The following DPP10 variants were observed in gnomAD, a reference collection of about 807,000 sequenced individuals.
The protein encoded by DPP10 is dipeptidyl peptidase like 10, also known as inactive dipeptidyl peptidase 10.
DPP10 carries 33 observed loss-of-function variants against 120.9 expected under a neutral mutation model. The observed-to-expected ratio is 0.27, with a 90% CI of 0.21 to 0.37. The LOEUF (loss-of-function observed/expected upper bound fraction) is 0.37, where lower values mean the gene tolerates loss of function less well. Ranked by LOEUF, DPP10 falls within the 10% of genes least tolerant of loss-of-function variation. The probability of loss-of-function intolerance (pLI) is 1.00; values close to 1 mark genes in which losing one functional copy is unlikely to be tolerated. For missense variants in DPP10, 816 were observed against 942.8 expected, an observed-to-expected ratio of 0.87 and a Z score of 1.76; for synonymous variants, 337 against 326.1, an observed-to-expected ratio of 1.03 and a Z score of -0.36.
At chr2:115,357,729 G>T (rs891989699) in intron 3 of DPP10, among the ~76,000 whole-genome samples, 1 of 152,190 alleles carries the variant, frequency 6.6e-6, no homozygotes, top group African/African-American at 2.4e-5. Context: ...GGTTCTCTAT[G>T]AGGACTCCAC....
Position 115,471,117 on chromosome 2 carries a change from C to T in DPP10, c.272-28393C>T, listed in dbSNP as rs1022399618. On this transcript the variant is annotated intron_variant, in intron 3 of 25. Transcript: ENST00000410059. ...GTGGACCATGCACAATTTCTAAAAT[C>T]CATAATTTATTTTCATAACCAATAT... 8.5e-5 allele frequency among the ~76,000 whole-genome samples: 13 copies of T among 152,188 alleles called. No individual in the cohort carries two copies. In the East Asian group the frequency reaches 2.5e-3, roughly 29 times the overall value.
chr2:115,143,829 T>C lies in DPP10; in HGVS notation c.61-165410T>C, dbSNP rs2051062637. Among the ~76,000 whole-genome samples the C allele has an allele frequency of 2.0e-5, 3 of 152,198 alleles. No individual in the cohort carries two copies. In the South Asian group the frequency reaches 6.2e-4, roughly 31 times the overall value. On this transcript the variant is annotated intron_variant, in intron 1 of 25. Coordinates refer to ENST00000410059, the MANE Select transcript of DPP10 (RefSeq NM_020868.6). ...ACATTTCATTCTGTTCATATCCCAG[T>C]ACCAGCAGAAGACAGAGCAATCTCA... is the stretch of plus-strand genomic sequence containing the variant.
At chr2:114,839,557 A>C (rs1192870286) in intron 1 of DPP10, among the ~76,000 whole-genome samples, 1 of 152,228 alleles carries the variant, frequency 6.6e-6, no homozygotes, top group Non-Finnish European at 1.5e-5. Flanking sequence ...TTCGTTAAGT[A>C]ACCAAACATT....
At chr2:114,601,502 T>C (rs903296128) in intron 1 of DPP10, among the ~76,000 whole-genome samples, 2 of 151,600 alleles carry the variant, frequency 1.3e-5, no homozygotes, top group African/African-American at 4.8e-5. Context: ...GGGAGGGAGG[T>C]CTTATAAGTA....
intron 1 of DPP10, among the ~76,000 whole-genome samples, chr2:114,678,590 C>T (rs1287227220): frequency 1.3e-5 from 2 of 151,940 alleles, no homozygotes; most frequent in Non-Finnish European, 2.9e-5. Context: ...TATTTATTTA[C>T]AAAAGTTCTC....
intron 12 of DPP10, among the ~76,000 whole-genome samples, chr2:115,767,864 A>G (rs1259694939): frequency 6.6e-6 from 1 of 152,200 alleles, no homozygotes; most frequent in East Asian, 1.9e-4. Context: ...CAGTTGCTGA[A>G]GAAAGGATTT....
At chr2:114,531,961 G>C (rs971461414) in intron 1 of DPP10, among the ~76,000 whole-genome samples, 3 of 151,876 alleles carry the variant, frequency 2.0e-5, no homozygotes, top group African/African-American at 4.8e-5. Context: ...CCCCATTGTG[G>C]GTAGGCGTCA....
At chr2:114,943,149 GT>G (rs1377221417) in intron 1 of DPP10, among the ~76,000 whole-genome samples, 1 of 152,150 alleles carries the variant, frequency 6.6e-6, no homozygotes, top group Non-Finnish European at 1.5e-5. Context: ...AACATGCGGT[GT>G]TTGGTTTTCT....
chr2:115,814,655 G>C, intron 19 of DPP10, 138 bp from the exon 20 acceptor site: 1 of 592,514 alleles, frequency 1.7e-6, no homozygotes, highest in Non-Finnish European at 2.6e-6. Context: ...TTACCTTCAG[G>C]TTTATTATCA....
intron 2 of DPP10, among the ~76,000 whole-genome samples, chr2:115,320,526 TA>T (rs2062008360): frequency 1.3e-5 from 2 of 152,016 alleles, no homozygotes; most frequent in African/African-American, 2.4e-5. Context: ...TTGGTCATCA[TA>T]ATTCATATTT....
chr2:114,507,461 C>T (rs1285894156), intron 1 of DPP10, among the ~76,000 whole-genome samples: 1 of 152,204 alleles, frequency 6.6e-6, no homozygotes, highest in East Asian at 1.9e-4. Context: ...TTATAGTTCA[C>T]ATAATAGGAG....
At chr2:115,525,996 A>G (rs777419087) in intron 5 of DPP10, 24 bp downstream of exon 5, 1 of 1,577,624 alleles carries the variant, frequency 6.3e-7, no homozygotes, top group Admixed American at 1.8e-5. Flanking sequence ...CTTCTTTGAG[A>G]ATACTTTTCT....
chr2:114,803,462 A>T (rs1406433160), intron 1 of DPP10, among the ~76,000 whole-genome samples: 1 of 152,230 alleles, frequency 6.6e-6, no homozygotes. Context: ...AGAGAGAAAA[A>T]TGTGGGAAAT....
At chr2:114,471,975 G>T (rs1425185061) in intron 1 of DPP10, among the ~76,000 whole-genome samples, 1 of 152,130 alleles carries the variant, frequency 6.6e-6, no homozygotes, top group Non-Finnish European at 1.5e-5. Context: ...AATAAAATGG[G>T]GCACTTTTTA....
intron 1 of DPP10, among the ~76,000 whole-genome samples, chr2:115,037,660 A>G (rs1484823999): frequency 6.6e-6 from 1 of 152,214 alleles, no homozygotes; most frequent in African/African-American, 2.4e-5. Flanking sequence ...ATGAGCTTCC[A>G]AAGTCTTTAT....
chr2:115,132,218 T>A (rs2050398459), intron 1 of DPP10, among the ~76,000 whole-genome samples: 1 of 151,948 alleles, frequency 6.6e-6, no homozygotes, highest in African/African-American at 2.4e-5. Context: ...AGATTGGGGG[T>A]GTTGTGATGA....
intron 1 of DPP10, among the ~76,000 whole-genome samples, chr2:115,279,649 C>CTTTTTTTTTTT (rs2060068274): frequency 2.0e-5 from 1 of 50,034 alleles, no homozygotes; most frequent in African/African-American, 7.2e-5. Context: ...TTCTTTTTTT[C>CTTTTTTTTTTT]TTCTTCTTTT....
intron 1 of DPP10, among the ~76,000 whole-genome samples, chr2:115,189,444 A>C (rs1357245150): frequency 1.3e-5 from 2 of 152,190 alleles, no homozygotes; most frequent in Non-Finnish European, 2.9e-5. Context: ...ACTGACGGGA[A>C]AGTTATTTAC....
intron 1 of DPP10, among the ~76,000 whole-genome samples, chr2:115,154,805 A>T (rs1273701212): frequency 6.6e-6 from 1 of 151,988 alleles, no homozygotes; most frequent in Non-Finnish European, 1.5e-5. Context: ...CATTGATATT[A>T]GTAGAAAAGA....
Sources: gnomAD v4.1 joint callset for allele counts (sites outside exome capture counted in the v4.1 genomes callset) on GRCh38, gnomAD v4.1.1 for gene constraint, MANE v1.5 for transcripts, NCBI Gene and HGNC (gene_info 2026-07-23, HGNC 2026-07-21) for gene names.